CCDC85A: variants seen among roughly 807,000 people sequenced by gnomAD.
CCDC85A encodes the protein coiled-coil domain-containing protein 85A.
In CCDC85A, 38 loss-of-function variants were observed where a neutral mutation model predicts 50.2. The observed-to-expected ratio is 0.76, with a 90% CI of 0.58 to 0.99. The LOEUF is 0.99. Among genes scored for constraint, CCDC85A ranks in the 50% least tolerant of loss-of-function variants. The probability of loss-of-function intolerance (pLI) is 0.00; values close to 1 mark genes in which losing one functional copy is unlikely to be tolerated. For missense variants in CCDC85A, 820 were observed against 742.0 expected, an observed-to-expected ratio of 1.11 and a Z score of -1.22; for synonymous variants, 366 against 301.4, an observed-to-expected ratio of 1.21 and a Z score of -2.22.
At chr2:56,241,339 C>G (rs1416386805) in intron 2 of CCDC85A, among the ~76,000 whole-genome samples, 1 of 152,060 alleles carries the variant, frequency 6.6e-6, no homozygotes, top group African/African-American at 2.4e-5. Flanking sequence ...CAGTTATACT[C>G]TTTTAGGTTT....
chr2:56,365,090 T>G (rs1179438181), intron 3 of CCDC85A, among the ~76,000 whole-genome samples: 2 of 152,164 alleles, frequency 1.3e-5, no homozygotes, highest in African/African-American at 4.8e-5. Flanking sequence ...GGGCCTCATA[T>G]CCTGTGCTCA....
intron 3 of CCDC85A, among the ~76,000 whole-genome samples, chr2:56,349,467 G>A (rs1549029): frequency 6.6e-6 from 1 of 152,110 alleles, no homozygotes; most frequent in African/African-American, 2.4e-5. Flanking sequence ...ACTGGATTAA[G>A]GGAAAAGCTA....
intron 2 of CCDC85A, among the ~76,000 whole-genome samples, chr2:56,279,867 T>C (rs193151409): frequency 6.6e-6 from 1 of 152,322 alleles, no homozygotes; most frequent in Admixed American, 6.5e-5. Flanking sequence ...TTTCATATCT[T>C]GGATATTGTG....
chr2:56,305,672 C>T (rs1573218733), intron 2 of CCDC85A, among the ~76,000 whole-genome samples: 2 of 152,320 alleles, frequency 1.3e-5, no homozygotes, highest in African/African-American at 4.8e-5. Flanking sequence ...AGGCAGAATC[C>T]AGCAAATTGT....
At chr2:56,208,620 C>T (rs1383153049) in intron 2 of CCDC85A, among the ~76,000 whole-genome samples, 2 of 152,088 alleles carry the variant, frequency 1.3e-5, no homozygotes, top group African/African-American at 2.4e-5. Context: ...CAAGAAATGT[C>T]TTAAACCCAG....
intron 2 of CCDC85A, among the ~76,000 whole-genome samples, chr2:56,342,422 G>T (rs1674417980): frequency 6.6e-6 from 1 of 152,118 alleles, no homozygotes; most frequent in African/African-American, 2.4e-5. Flanking sequence ...CTGGATTTCG[G>T]TATTAGATTC....
chr2:56,263,537 C>G (rs1030376449), intron 2 of CCDC85A, among the ~76,000 whole-genome samples: 1 of 152,136 alleles, frequency 6.6e-6, no homozygotes, highest in African/African-American at 2.4e-5. Context: ...AGTTTGCACT[C>G]TAGCTGTATA....
At chr2:56,282,551 C>T (rs1012771069) in intron 2 of CCDC85A, among the ~76,000 whole-genome samples, 5 of 152,134 alleles carry the variant, frequency 3.3e-5, no homozygotes, top group East Asian at 3.9e-4. Flanking sequence ...CTGTTGTTGC[C>T]GAGGTTGGAG....
intron 2 of CCDC85A, among the ~76,000 whole-genome samples, chr2:56,328,297 G>A (rs1673577225): frequency 6.6e-6 from 1 of 152,110 alleles, no homozygotes; most frequent in South Asian, 2.1e-4. Flanking sequence ...GCACCCAAGA[G>A]GAAGACATAG....
At chr2:56,242,907 A>G (rs1669330156) in intron 2 of CCDC85A, among the ~76,000 whole-genome samples, 1 of 152,094 alleles carries the variant, frequency 6.6e-6, no homozygotes, top group South Asian at 2.1e-4. Flanking sequence ...TATTAGACTT[A>G]AGTCTTTATT....
At chr2:56,345,258 G>A (rs998612555) in intron 3 of CCDC85A, among the ~76,000 whole-genome samples, 4 of 152,136 alleles carry the variant, frequency 2.6e-5, no homozygotes, top group South Asian at 2.1e-4. Flanking sequence ...ATGCTAAGAT[G>A]TTATTGATGT....
At chr2:56,225,523 G>C (rs1668507267) in intron 2 of CCDC85A, among the ~76,000 whole-genome samples, 1 of 152,090 alleles carries the variant, frequency 6.6e-6, no homozygotes. Flanking sequence ...GTACCAGAGT[G>C]TCTTTATTAC....
intron 2 of CCDC85A, among the ~76,000 whole-genome samples, chr2:56,207,272 G>T (rs535388924): frequency 6.6e-6 from 1 of 152,146 alleles, no homozygotes; most frequent in Non-Finnish European, 1.5e-5. Context: ...CCTCCCTGGG[G>T]CTGTTAGGAG....
chr2:56,379,501 G>C (rs992338669), intron 5 of CCDC85A, among the ~76,000 whole-genome samples: 3 of 152,106 alleles, frequency 2.0e-5, no homozygotes, highest in Admixed American at 2.0e-4. Context: ...AGACACTAAT[G>C]AATTCCATTG....
intron 2 of CCDC85A, among the ~76,000 whole-genome samples, chr2:56,258,769 G>T (rs975540795): frequency 1.3e-5 from 2 of 152,200 alleles, no homozygotes; most frequent in Admixed American, 6.5e-5. Context: ...TTGATGAGGA[G>T]AGGGGCCATT....
At chr2:56,382,964 CAATT>C (rs1280557199) in intron 5 of CCDC85A, among the ~76,000 whole-genome samples, 1 of 151,904 alleles carries the variant, frequency 6.6e-6, no homozygotes, top group African/African-American at 2.4e-5. Context: ...TGTGTCTTGT[CAATT>C]TATTAAGAAA....
chr2:56,185,030 C>T (rs1328514547), intron 1 of CCDC85A, 130 bp downstream of exon 1: 1 of 1,140,782 alleles, frequency 8.8e-7, no homozygotes, highest in East Asian at 3.0e-5. Context: ...TCGGCACCCC[C>T]TACCCCCAGT....
intron 5 of CCDC85A, among the ~76,000 whole-genome samples, chr2:56,383,980 C>G (rs1464309880): frequency 6.6e-6 from 1 of 151,846 alleles, no homozygotes; most frequent in African/African-American, 2.4e-5. Context: ...GCTTAGTGTG[C>G]AGTCAGAGTT....
At chr2:56,255,334 G>A (rs1164118118) in intron 2 of CCDC85A, among the ~76,000 whole-genome samples, 2 of 152,056 alleles carry the variant, frequency 1.3e-5, no homozygotes, top group Admixed American at 6.6e-5. Flanking sequence ...CTAAAATGTG[G>A]GTGGTGAAGA....
Sources: gnomAD v4.1 joint callset for allele counts (sites outside exome capture counted in the v4.1 genomes callset) on GRCh38, gnomAD v4.1.1 for gene constraint, MANE v1.5 for transcripts, NCBI Gene and HGNC (gene_info 2026-07-23, HGNC 2026-07-21) for gene names.